The following ALDH7A1 variants were observed in gnomAD, a reference collection of about 807,000 sequenced individuals.
ALDH7A1 encodes aldehyde dehydrogenase 7 family member A1.
Under a neutral mutation model 79.9 loss-of-function variants are expected in ALDH7A1, and 63 were observed. That is an observed-to-expected ratio of 0.79 (90% CI 0.64 to 0.97). The LOEUF (loss-of-function observed/expected upper bound fraction) is 0.97, where lower values mean the gene tolerates loss of function less well. Ranked by LOEUF, ALDH7A1 falls within the 50% of genes least tolerant of loss-of-function variation. The pLI, the probability that ALDH7A1 is intolerant of heterozygous loss-of-function variation, is 0.00. For missense variants in ALDH7A1, 627 were observed against 665.2 expected (o/e 0.94, Z 0.63); for synonymous variants, 240 against 231.2 (o/e 1.04, Z -0.34).
chr5:126,554,520 G>T, intron 12 of ALDH7A1, 127 bp from the exon 13 acceptor site: 2 of 771,376 alleles, frequency 2.6e-6, no homozygotes, highest in Admixed American at 3.8e-5. Context: ...ACATAAGTCA[G>T]CATCCTTTTT....
At chr5:126,582,635 T>C (rs1751215133) in intron 5 of ALDH7A1, 1 of 578,898 alleles carries the variant, frequency 1.7e-6, no homozygotes, top group Non-Finnish European at 3.0e-6. Flanking sequence ...CCCGTGGACT[T>C]GCCAACATTA....
intron 8 of ALDH7A1, chr5:126,570,504 G>C (rs770430022): frequency 1.8e-5 from 7 of 391,654 alleles, no homozygotes; most frequent in Non-Finnish European, 3.3e-5. Context: ...GTGTCAGGAA[G>C]TCACAGGCTG....
Position 126,542,750 on chromosome 5 carries a change from A to C in ALDH7A1, c.*2215T>G, listed in dbSNP as rs762058139. 6.6e-6 allele frequency: 1 copy of C among 152,246 alleles called. No homozygotes were observed. Among genetic ancestry groups the C allele is most frequent in the South Asian group, 2.1e-4 (1 of 4,826 alleles). 9.4% of individuals were successfully genotyped at this position (152,246 alleles called of 1,614,324 possible). On this transcript the variant is annotated 3_prime_UTR_variant, in exon 18 of 18. Coordinates refer to ENST00000409134, the MANE Select transcript of ALDH7A1 (RefSeq NM_001182.5). ...AAAGAGAAAGTAGGAAGCAGAGTAC[A>C]TAATAGCACTCAATTTCCTTTGAGA...
intron 16 of ALDH7A1, 141 bp downstream of exon 16, chr5:126,549,788 C>T (rs2112752081): frequency 1.2e-6 from 1 of 842,006 alleles, no homozygotes; most frequent in Non-Finnish European, 2.0e-6. Context: ...AGAATGTAAG[C>T]TTTTTCAGAT....
At chr5:126,583,621 GA>G (rs1447429354) in intron 4 of ALDH7A1, among the ~76,000 whole-genome samples, 4 of 151,928 alleles carry the variant, frequency 2.6e-5, no homozygotes, top group Non-Finnish European at 5.9e-5. Flanking sequence ...AGGATCACCT[GA>G]GGTTAGGAGT....
intron 16 of ALDH7A1, among the ~76,000 whole-genome samples, chr5:126,549,224 C>T (rs1183928711): frequency 6.6e-6 from 1 of 151,910 alleles, no homozygotes; most frequent in Non-Finnish European, 1.5e-5. Context: ...AAGGGGTGAA[C>T]TGAAAACAGC....
Position 126,570,772 on chromosome 5 carries a change from A to C in ALDH7A1, c.773+10T>G. The C allele has an allele frequency of 6.2e-7, 1 of 1,613,878 alleles. No homozygotes were observed. On this transcript the variant is annotated intron_variant, in intron 8 of 17. Coordinates refer to ENST00000409134, the MANE Select transcript of ALDH7A1 (RefSeq NM_001182.5). ...CTTCAACAGAGGATGCTCTCAGCCTAGTAACCTACCCAATATCTGCTCCAC... is the reference window on the plus strand; with the variant it reads ...CTTCAACAGAGGATGCTCTCAGCCTCGTAACCTACCCAATATCTGCTCCAC...
intron 9 of ALDH7A1, among the ~76,000 whole-genome samples, chr5:126,563,155 AAAAG>A (rs1326878563): frequency 2.6e-5 from 4 of 152,218 alleles, no homozygotes; most frequent in South Asian, 2.1e-4. Flanking sequence ...CCCACAATTA[AAAAG>A]AAAGAAAGAA....
intron 1 of ALDH7A1, chr5:126,594,522 A>ACGACCT (rs1316233263): frequency 3.8e-6 from 1 of 265,224 alleles, no homozygotes; most frequent in Non-Finnish European, 7.2e-6. Flanking sequence ...TCGGCTCACT[A>ACGACCT]CGACCTCCAC....
At chr5:126,549,057 T>C (rs1433243922) in intron 16 of ALDH7A1, among the ~76,000 whole-genome samples, 3 of 95,674 alleles carry the variant, frequency 3.1e-5, no homozygotes, top group African/African-American at 4.3e-5. Flanking sequence ...CTGGGCAACA[T>C]AGCAAGCCCC....
chr5:126,560,197 C>T (rs935622014), intron 10 of ALDH7A1, among the ~76,000 whole-genome samples: 1 of 144,776 alleles, frequency 6.9e-6, no homozygotes, highest in African/African-American at 2.6e-5. Context: ...AGAGGCCAGG[C>T]GTGATGGCTC....
At chr5:126,564,467 T>G (rs1750503974) in intron 9 of ALDH7A1, 1 of 1,123,936 alleles carries the variant, frequency 8.9e-7, no homozygotes, top group East Asian at 3.2e-5. Flanking sequence ...CATTTATTAC[T>G]GATCTTTTGA....
In ALDH7A1 at chr5:126,548,474, T is replaced by A. The variant is rs112210888; in HGVS notation, c.1489+1455A>T. On this transcript the variant is annotated intron_variant, in intron 16 of 17. Transcript: ENST00000409134. ...ACAGGGTCTCACTCTGTCCCCAGAC[T>A]TGAGTGCACTGGCACAATCTTGGCT... Among the ~76,000 whole-genome samples, 257 of 150,962 alleles carry A rather than the reference T, an allele frequency of 1.7e-3. 1 individual carries two copies. The highest frequency in any genetic ancestry group is 6.0e-3 in the African/African-American group (247 of 41,040).
chr5:126,591,927 C>CTT lies in ALDH7A1; in HGVS notation c.312+735_312+736dup, dbSNP rs535978673. ...CTGAGAAAGGGATGCTGCCACTGCT[C>CTT]TTTTTTTTTTTTTTTTTTTTGAGAT... is the stretch of plus-strand genomic sequence containing the variant. On this transcript the variant is annotated intron_variant, in intron 3 of 17. Transcript: ENST00000409134. 5.8e-3 allele frequency: 765 copies of CTT among 131,240 alleles called. 17 individuals are homozygous for CTT. The highest frequency in any genetic ancestry group is 0.019 in the Middle Eastern group (5 of 260). The allele number at this position is 131,240 out of a possible 1,614,324, so 8.1% of individuals were successfully genotyped here.
rs146564372 is a variant in ALDH7A1, at chr5:126,555,145, C to T, written c.1094-752G>A. The T allele has an allele frequency of 2.5e-3, 388 of 154,056 alleles. 5 individuals carry two copies. The highest frequency in any genetic ancestry group is 0.022 in the South Asian group (106 of 4,904). The allele number at this position is 154,056 out of a possible 1,614,324, so 9.5% of individuals were successfully genotyped here. ...AGGCAGAGAGCAGACCAGGAAGGATCGGGAGCCTGCAAAAAAGAAGAAATC... is the reference window on the plus strand; with the variant it reads ...AGGCAGAGAGCAGACCAGGAAGGATTGGGAGCCTGCAAAAAAGAAGAAATC... On this transcript the variant is annotated intron_variant, in intron 12 of 17. Transcript: ENST00000409134.
intron 7 of ALDH7A1, among the ~76,000 whole-genome samples, chr5:126,572,130 A>G (rs1430634928): frequency 3.3e-5 from 5 of 152,346 alleles, no homozygotes; most frequent in African/African-American, 7.2e-5. Flanking sequence ...GGTTATTTTC[A>G]TCAATCATCT....
chr5:126,554,430 C>T (rs770927396), intron 12 of ALDH7A1, 37 bp from the exon 13 acceptor site: 9 of 1,552,998 alleles, frequency 5.8e-6, no homozygotes, highest in Non-Finnish European at 7.1e-6. Context: ...CATCATTTTG[C>T]CCTTTATGGC....
At chr5:126,565,887 G>A (rs1750565825) in intron 9 of ALDH7A1, among the ~76,000 whole-genome samples, 1 of 152,196 alleles carries the variant, frequency 6.6e-6, no homozygotes, top group Admixed American at 6.5e-5. Flanking sequence ...TGACACAACT[G>A]ACCATAAATA....
In ALDH7A1 at chr5:126,589,215, T is replaced by A. The variant is rs375998749; in HGVS notation, c.312+3449A>T. On this transcript the variant is annotated intron_variant, in intron 3 of 17. Transcript: ENST00000409134. ...TCTTGTTGCCCAGGCTGGGGTGCAA[T>A]GGCTCAATCTCCGCTCACTGCAAGG... Among the ~76,000 whole-genome samples, 504 of 152,236 alleles carry A rather than the reference T, an allele frequency of 3.3e-3. 3 individuals are homozygous for A. Among genetic ancestry groups the A allele is most frequent in the South Asian group, 0.012 (60 of 4,820 alleles).
Sources: gnomAD v4.1 joint callset for allele counts (sites outside exome capture counted in the v4.1 genomes callset) on GRCh38, gnomAD v4.1.1 for gene constraint, MANE v1.5 for transcripts, NCBI Gene and HGNC (gene_info 2026-07-23, HGNC 2026-07-21) for gene names.